The following GPHN variants were observed in gnomAD, a reference collection of about 807,000 sequenced individuals.
GPHN encodes the protein gephyrin.
In GPHN, 17 loss-of-function variants were observed where a neutral mutation model predicts 95.5. That is an observed-to-expected ratio of 0.18 (90% CI 0.12 to 0.27). The LOEUF (loss-of-function observed/expected upper bound fraction) is 0.27, where lower values mean the gene tolerates loss of function less well. GPHN is among the 10% of genes least tolerant of loss of function. The probability of loss-of-function intolerance (pLI) is 1.00; values close to 1 mark genes in which losing one functional copy is unlikely to be tolerated. For missense variants in GPHN, 660 were observed against 978.1 expected (o/e 0.67, Z 4.34); for synonymous variants, 320 against 322.5 (o/e 0.99, Z 0.08).
At chr14:67,063,623 G>T (rs1279203076) in intron 11 of GPHN, among the ~76,000 whole-genome samples, 1 of 152,170 alleles carries the variant, frequency 6.6e-6, no homozygotes, top group Non-Finnish European at 1.5e-5. Context: ...GTAATTTGTA[G>T]TTCTCCTTGA....
chr14:66,780,805 G>A (rs543586206), intron 3 of GPHN, among the ~76,000 whole-genome samples: 5 of 152,174 alleles, frequency 3.3e-5, no homozygotes, highest in South Asian at 2.1e-4. Flanking sequence ...AGTTACAATC[G>A]TTTTTGTTTT....
chr14:66,542,455 C>CT (rs1285110110), intron 1 of GPHN, among the ~76,000 whole-genome samples: 2 of 152,178 alleles, frequency 1.3e-5, no homozygotes, highest in African/African-American at 4.8e-5. Flanking sequence ...TCCTTTTACT[C>CT]TGTCTACCCA....
chr14:67,132,711 C>G (rs919342398), intron 17 of GPHN, among the ~76,000 whole-genome samples: 1 of 152,016 alleles, frequency 6.6e-6, no homozygotes, highest in Non-Finnish European at 1.5e-5. Flanking sequence ...TATGAATAAC[C>G]TCTAGGTATT....
rs1434145085 is a variant in GPHN at position 66,842,117 on chromosome 14, G to A, written c.294+17551G>A. Among the ~76,000 whole-genome samples, 5 of 136,512 alleles carry A rather than the reference G, an allele frequency of 3.7e-5. No individual in the cohort carries two copies. The Admixed American group carries it at 4.4e-4, about 12-fold the overall frequency. 89.6% of individuals were successfully genotyped at this position (136,512 alleles called of 152,430 possible). On this transcript the variant is annotated intron_variant, in intron 4 of 22. Coordinates refer to ENST00000478722, the MANE Select transcript of GPHN (RefSeq NM_020806.5). ...AGTAGATATTAGGTATATGTATCTAGACTTCAGTAGGAAAATCTGGGCTAG... is the reference window on the plus strand; with the variant it reads ...AGTAGATATTAGGTATATGTATCTAAACTTCAGTAGGAAAATCTGGGCTAG...
chr14:67,644,482 T>C, the GPHN span, among the ~76,000 whole-genome samples: 1 of 152,330 alleles, frequency 6.6e-6, no homozygotes, highest in East Asian at 1.9e-4. Flanking sequence ...GTGTGGGACA[T>C]GGCACCTAGA....
chr14:67,087,249 A>G (rs1349456803), intron 11 of GPHN, among the ~76,000 whole-genome samples: 1 of 152,146 alleles, frequency 6.6e-6, no homozygotes, highest in Non-Finnish European at 1.5e-5. Context: ...TCAAAATCCC[A>G]GCAAAGTCAT....
At chr14:67,597,859 T>C in the GPHN span, among the ~76,000 whole-genome samples, 1 of 151,516 alleles carries the variant, frequency 6.6e-6, no homozygotes, top group East Asian at 1.9e-4. Context: ...GTGACCAATA[T>C]AATTAGTTGA....
intron 1 of GPHN, among the ~76,000 whole-genome samples, chr14:66,528,277 G>A (rs1469900965): frequency 6.6e-6 from 1 of 152,086 alleles, no homozygotes; most frequent in Non-Finnish European, 1.5e-5. Context: ...CAGAAACTAG[G>A]ATTGCCACTT....
At chr14:66,826,471 T>C (rs1299809478) in intron 4 of GPHN, among the ~76,000 whole-genome samples, 3 of 152,158 alleles carry the variant, frequency 2.0e-5, no homozygotes, top group African/African-American at 7.2e-5. Flanking sequence ...AAGGGCTGTG[T>C]CCACAAGATT....
At chr14:66,509,100 A>G (rs1317460809) in intron 1 of GPHN, 2 of 168,022 alleles carry the variant, frequency 1.2e-5, no homozygotes, top group Non-Finnish European at 2.6e-5. Flanking sequence ...TGTTAATCAG[A>G]TGAAACTGCT....
At chr14:67,376,348 T>C in the GPHN span, 1 of 1,252,684 alleles carries the variant, frequency 8.0e-7, no homozygotes, top group Admixed American at 2.6e-5. Flanking sequence ...AAGGAATTAT[T>C]GTAGCCAAAT....
intron 2 of GPHN, among the ~76,000 whole-genome samples, chr14:66,757,194 G>T (rs187122830): frequency 1.5e-4 from 23 of 152,144 alleles, no homozygotes; most frequent in African/African-American, 5.3e-4. Flanking sequence ...TATTTTATTT[G>T]AACTAAAGTT....
chr14:67,590,690 AG>A, the GPHN span, among the ~76,000 whole-genome samples: 5 of 152,168 alleles, frequency 3.3e-5, no homozygotes, highest in Admixed American at 3.3e-4. Context: ...ACCCACATCA[AG>A]GGGTATAAAT....
chr14:66,587,707 C>G (rs1222969669), intron 1 of GPHN, among the ~76,000 whole-genome samples: 5 of 152,208 alleles, frequency 3.3e-5, no homozygotes, highest in Non-Finnish European at 2.9e-5. Context: ...TCCATTCTGA[C>G]ATTACTATAA....
chr14:67,061,227 G>A (rs2075812879), intron 11 of GPHN, among the ~76,000 whole-genome samples: 1 of 152,018 alleles, frequency 6.6e-6, no homozygotes, highest in African/African-American at 2.4e-5. Flanking sequence ...TTTTAGTAGA[G>A]ATGGGGTTTC....
chr14:66,773,217 C>T (rs1043372532), intron 2 of GPHN, among the ~76,000 whole-genome samples: 3 of 152,120 alleles, frequency 2.0e-5, no homozygotes, highest in African/African-American at 7.2e-5. Context: ...AGTTCTTTTG[C>T]GTGCTTTTCA....
At chr14:67,647,495 A>G in the GPHN span, 3 of 157,394 alleles carry the variant, frequency 1.9e-5, no homozygotes, top group African/African-American at 7.2e-5. Flanking sequence ...ATGTCATTTC[A>G]TAAGCTGTTA....
intron 1 of GPHN, among the ~76,000 whole-genome samples, chr14:66,612,862 A>G (rs1487706256): frequency 6.6e-6 from 1 of 151,984 alleles, no homozygotes; most frequent in East Asian, 1.9e-4. Context: ...ATCTCTTATT[A>G]TTGCTTGGAA....
chr14:66,932,583 T>TA (rs2066885730), intron 8 of GPHN, among the ~76,000 whole-genome samples: 3 of 150,106 alleles, frequency 2.0e-5, no homozygotes, highest in African/African-American at 4.9e-5. Context: ...GTGTTTATTT[T>TA]ACCAGGTTGC....
Sources: allele counts gnomAD v4.1 joint callset (sites outside exome capture counted in the v4.1 genomes callset), GRCh38; gene constraint gnomAD v4.1.1; transcripts MANE v1.5; gene names NCBI Gene and HGNC (gene_info 2026-07-23, HGNC 2026-07-21).